MYO5B: variants seen among roughly 807,000 people sequenced by gnomAD.
MYO5B encodes unconventional myosin-Vb.
In MYO5B, 143 loss-of-function variants were observed where a neutral mutation model predicts 229.3. The ratio of observed to expected loss-of-function variants is 0.62; its 90% CI spans 0.54 to 0.72. MYO5B has a LOEUF of 0.72. MYO5B is among the 30% of genes least tolerant of loss of function. The pLI is 0.00. For missense variants in MYO5B, 2,321 were observed against 2,331.0 expected, an observed-to-expected ratio of 1.00 and a Z score of 0.09; for synonymous variants, 918 against 885.2, an observed-to-expected ratio of 1.04 and a Z score of -0.66.
chr18:50,097,001 A>T (rs1397333219), intron 1 of MYO5B, among the ~76,000 whole-genome samples: 1 of 152,126 alleles, frequency 6.6e-6, no homozygotes, highest in East Asian at 1.9e-4. Context: ...GCCTGGCTCC[A>T]CCTATGAAGG....
At position 49,906,490 on chromosome 18, in the gene MYO5B, C is replaced by G. The variant is rs61737448; in HGVS notation, c.2343G>C (p.Lys781Asn). The G allele has an allele frequency of 2.1e-3, 3,467 of 1,614,194 alleles. 20 individuals are homozygous for G. Among genetic ancestry groups the G allele is most frequent in the Middle Eastern group, 0.02 (123 of 6,062 alleles). The change falls in exon 19 of 40, where the codon AAG becomes AAC. Residue 781 changes from lysine to asparagine, a missense_variant. Lys to Asn is a moderately conservative substitution (Grantham distance 94, BLOSUM62 0). Coordinates refer to ENST00000285039, the MANE Select transcript of MYO5B (RefSeq NM_001080467.3). The part of the protein sequence containing the change: ...IQKTVRGWLQ[K>N]VKYHRLKGAT... The stretch of plus-strand genomic sequence containing the variant: ...CCCCCTTCAGCCTGTGATATTTCAC[C>G]TTCTGCAGCCATCCCCGGACAGTTT...
intron 2 of MYO5B, among the ~76,000 whole-genome samples, chr18:50,042,975 T>G (rs932681849): frequency 7.9e-5 from 12 of 152,072 alleles, no homozygotes; most frequent in Admixed American, 7.9e-4. Context: ...TCTTCAACTC[T>G]TCCCCCCAAG....
At chr18:49,850,334 G>C (rs918325686) in intron 31 of MYO5B, 5 of 155,704 alleles carry the variant, frequency 3.2e-5, no homozygotes, top group African/African-American at 9.6e-5. Context: ...ACTAGAGAGT[G>C]ACAGGAAGAC....
At chr18:50,175,526 C>A (rs2032983135) in intron 1 of MYO5B, among the ~76,000 whole-genome samples, 1 of 152,194 alleles carries the variant, frequency 6.6e-6, no homozygotes, top group Non-Finnish European at 1.5e-5. Context: ...CAAAAACCAT[C>A]AAATTTTTTT....
intron 1 of MYO5B, among the ~76,000 whole-genome samples, chr18:50,160,081 C>T (rs1481158476): frequency 6.6e-6 from 1 of 152,384 alleles, no homozygotes; most frequent in Middle Eastern, 3.4e-3. Flanking sequence ...CACATGCTAA[C>T]ACGCACAACG....
chr18:50,033,686 G>A (rs558935221), intron 4 of MYO5B, among the ~76,000 whole-genome samples: 3 of 152,176 alleles, frequency 2.0e-5, no homozygotes, highest in Non-Finnish European at 4.4e-5. Flanking sequence ...CTAAGAAGTG[G>A]AGGTAAGCCC....
chr18:49,837,040 A>C (rs900721529), intron 37 of MYO5B, among the ~76,000 whole-genome samples, 155 bp from the exon 38 acceptor site: 3 of 152,272 alleles, frequency 2.0e-5, no homozygotes, highest in Admixed American at 1.3e-4. Flanking sequence ...CTCAGGAACT[A>C]TTTGTTGAAT....
At chr18:50,035,973 C>A (rs1042479344) in intron 4 of MYO5B, among the ~76,000 whole-genome samples, 1 of 152,082 alleles carries the variant, frequency 6.6e-6, no homozygotes, top group Non-Finnish European at 1.5e-5. Context: ...GAAAATGATA[C>A]CCTGAAATCC....
At chr18:49,843,641 T>C (rs1316557267) in intron 33 of MYO5B, among the ~76,000 whole-genome samples, 2 of 152,212 alleles carry the variant, frequency 1.3e-5, no homozygotes, top group Non-Finnish European at 2.9e-5. Context: ...GTCTGCACTA[T>C]AACCCTGAAA....
At chr18:50,082,260 T>C (rs2031236852) in intron 1 of MYO5B, among the ~76,000 whole-genome samples, 1 of 152,230 alleles carries the variant, frequency 6.6e-6, no homozygotes, top group South Asian at 2.1e-4. Flanking sequence ...TCCTATTCCC[T>C]GTGGTTACTG....
At chr18:49,912,896 C>A (rs181653005) in intron 17 of MYO5B, among the ~76,000 whole-genome samples, 13 of 152,304 alleles carry the variant, frequency 8.5e-5, no homozygotes, top group African/African-American at 2.9e-4. Context: ...TGTTGGTTTT[C>A]TTATAGAATA....
intron 4 of MYO5B, among the ~76,000 whole-genome samples, chr18:50,004,265 A>G (rs1469944410): frequency 6.6e-6 from 1 of 152,212 alleles, no homozygotes; most frequent in Non-Finnish European, 1.5e-5. Context: ...GAACAGTAAA[A>G]CTGGCAGGAT....
In MYO5B at chr18:49,846,592, A is replaced by G. The variant is rs529436297; in HGVS notation, c.4459+554T>C. ...TGTACCACACAGCACTTTAAACTGT[A>G]AAGTCCTAACCAAACAGAAGGAGTC... On this transcript the variant is annotated intron_variant, in intron 33 of 39. Coordinates refer to ENST00000285039, the MANE Select transcript of MYO5B (RefSeq NM_001080467.3). Among the ~76,000 whole-genome samples, 8 of 152,290 alleles carry G rather than the reference A, an allele frequency of 5.3e-5. No homozygotes were observed. In the South Asian group the frequency reaches 8.3e-4, roughly 16 times the overall value.
At chr18:50,060,834 C>T (rs190252550) in intron 1 of MYO5B, among the ~76,000 whole-genome samples, 22 of 152,334 alleles carry the variant, frequency 1.4e-4, no homozygotes, top group African/African-American at 4.1e-4. Flanking sequence ...CCAGGCAACA[C>T]CCCATCCTAC....
chr18:49,996,652 G>A (rs2025990739), intron 5 of MYO5B, among the ~76,000 whole-genome samples: 3 of 152,204 alleles, frequency 2.0e-5, no homozygotes, highest in South Asian at 4.1e-4. Context: ...CAATGTAATT[G>A]ATTGTACAAT....
chr18:50,115,039 T>A (rs2031933756), intron 1 of MYO5B, among the ~76,000 whole-genome samples: 1 of 152,198 alleles, frequency 6.6e-6, no homozygotes, highest in Non-Finnish European at 1.5e-5. Context: ...CCTTTCTGAT[T>A]CCACAATTTG....
chr18:50,099,444 G>A (rs1259237563), intron 1 of MYO5B, among the ~76,000 whole-genome samples: 1 of 152,146 alleles, frequency 6.6e-6, no homozygotes, highest in African/African-American at 2.4e-5. Flanking sequence ...GAGACTTAGG[G>A]AACAGGAGGA....
At chr18:49,927,335 T>A in intron 17 of MYO5B, among the ~76,000 whole-genome samples, 2 of 147,094 alleles carry the variant, frequency 1.4e-5, no homozygotes, top group Non-Finnish European at 1.5e-5. Flanking sequence ...CCCATCAAAA[T>A]ACTACCATAT....
At chr18:49,863,188 C>T (rs539546968) in intron 29 of MYO5B, 39 bp downstream of exon 29, 13 of 1,535,358 alleles carry the variant, frequency 8.5e-6, no homozygotes, top group East Asian at 6.7e-5. Flanking sequence ...GGCCCTTCTC[C>T]GCGGCCTCGT....
Sources: allele counts gnomAD v4.1 joint callset (sites outside exome capture counted in the v4.1 genomes callset), GRCh38; gene constraint gnomAD v4.1.1; transcripts MANE v1.5; gene names NCBI Gene and HGNC (gene_info 2026-07-23, HGNC 2026-07-21).